DCC: variants seen among roughly 807,000 people sequenced by gnomAD.
DCC encodes the protein DCC netrin 1 receptor.
A neutral mutation model predicts 172.5 loss-of-function variants in DCC; 58 were observed. The ratio of observed to expected loss-of-function variants is 0.34; its 90% CI spans 0.27 to 0.42. The LOEUF is 0.42. Ranked by LOEUF, DCC falls within the 10% of genes least tolerant of loss-of-function variation. The pLI is 1.00. For synonymous variants in DCC, 709 were observed against 644.5 expected (o/e 1.10, Z -1.52); for missense variants, 1,740 against 1,791.0 (o/e 0.97, Z 0.51).
At chr18:53,274,851 A>T (rs2056788142) in intron 12 of DCC, among the ~76,000 whole-genome samples, 3 of 152,238 alleles carry the variant, frequency 2.0e-5, no homozygotes, top group African/African-American at 4.8e-5. Flanking sequence ...TCTTCAGATT[A>T]GTCAAACTGA....
At chr18:52,808,991 T>C (rs1480136086) in intron 2 of DCC, among the ~76,000 whole-genome samples, 1 of 152,192 alleles carries the variant, frequency 6.6e-6, no homozygotes, top group Admixed American at 6.5e-5. Context: ...GGTTTATGTC[T>C]ACAAAAGCGT....
At chr18:52,667,996 C>T (rs1387946380) in intron 1 of DCC, among the ~76,000 whole-genome samples, 1 of 152,006 alleles carries the variant, frequency 6.6e-6, no homozygotes, top group African/African-American at 2.4e-5. Context: ...GTCTTTTTAA[C>T]CCCTTACTTT....
chr18:53,394,009 A>T (rs117623976), intron 17 of DCC, among the ~76,000 whole-genome samples: 2,698 of 152,254 alleles, frequency 0.018, 42 homozygotes, highest in Non-Finnish European at 0.024. Context: ...TAAATTTTAC[A>T]AATAATGGTG....
At chr18:53,126,940 C>G (rs2043565911) in intron 7 of DCC, among the ~76,000 whole-genome samples, 1 of 152,048 alleles carries the variant, frequency 6.6e-6, no homozygotes, top group East Asian at 1.9e-4. Flanking sequence ...CCAAATATGC[C>G]TGGGTTTATG....
chr18:52,565,552 A>G (rs983334099), intron 1 of DCC, among the ~76,000 whole-genome samples: 2 of 152,172 alleles, frequency 1.3e-5, no homozygotes, highest in African/African-American at 4.8e-5. Flanking sequence ...ATGAGATGGT[A>G]TCTCATTGTG....
chr18:53,268,943 G>A (rs1204842546), intron 12 of DCC, among the ~76,000 whole-genome samples: 3 of 152,158 alleles, frequency 2.0e-5, no homozygotes, highest in Admixed American at 6.5e-5. Context: ...ATAGAGTGTA[G>A]TCTCCAGGTC....
chr18:53,385,371 C>T (rs759487064), intron 15 of DCC, among the ~76,000 whole-genome samples: 5 of 152,182 alleles, frequency 3.3e-5, no homozygotes, highest in Non-Finnish European at 7.3e-5. Flanking sequence ...TCCGGGCCTA[C>T]GAAAGCTTGC....
At chr18:52,477,097 C>T (rs182926033) in intron 1 of DCC, among the ~76,000 whole-genome samples, 13 of 152,236 alleles carry the variant, frequency 8.5e-5, no homozygotes, top group African/African-American at 2.2e-4. Flanking sequence ...CTCTGCAGGA[C>T]GGATTCATTT....
At chr18:52,738,319 A>G (rs775085789) in intron 1 of DCC, among the ~76,000 whole-genome samples, 1 of 152,188 alleles carries the variant, frequency 6.6e-6, no homozygotes, top group African/African-American at 2.4e-5. Flanking sequence ...CAAACTTTAC[A>G]TGGTAGAGCT....
chr18:52,927,607 C>T (rs977053644), intron 5 of DCC, among the ~76,000 whole-genome samples: 58 of 151,964 alleles, frequency 3.8e-4, no homozygotes, highest in African/African-American at 1.3e-3. Context: ...TCTAGTGAAC[C>T]TTGACTAGTG....
At chr18:52,423,488 A>C (rs914796993) in intron 1 of DCC, among the ~76,000 whole-genome samples, 2 of 152,054 alleles carry the variant, frequency 1.3e-5, no homozygotes, top group Non-Finnish European at 2.9e-5. Flanking sequence ...CAGGCTTTCA[A>C]ACCTCCAGCA....
chr18:52,489,630 A>G (rs563056721), intron 1 of DCC, among the ~76,000 whole-genome samples: 2 of 152,176 alleles, frequency 1.3e-5, no homozygotes, highest in East Asian at 1.9e-4. Flanking sequence ...CTTTGTTGCT[A>G]TTTTATCCAC....
chr18:52,794,751 C>A (rs183604329), intron 2 of DCC, among the ~76,000 whole-genome samples: 68 of 151,946 alleles, frequency 4.5e-4, no homozygotes, highest in Non-Finnish European at 8.1e-4. Context: ...CCATTAAGTA[C>A]GATGTTAGCT....
At chr18:52,564,668 G>T (rs1598916608) in intron 1 of DCC, among the ~76,000 whole-genome samples, 1 of 41,554 alleles carries the variant, frequency 2.4e-5, no homozygotes, top group African/African-American at 8.7e-5. Flanking sequence ...TTATAATATT[G>T]GGGGGGGGGG....
At chr18:52,520,795 T>C (rs977672094) in intron 1 of DCC, among the ~76,000 whole-genome samples, 7 of 152,192 alleles carry the variant, frequency 4.6e-5, no homozygotes, top group African/African-American at 1.7e-4. Flanking sequence ...TCTTTCCATT[T>C]TATAACATTG....
At chr18:53,484,000 T>C (rs904275429) in intron 25 of DCC, among the ~76,000 whole-genome samples, 4 of 150,298 alleles carry the variant, frequency 2.7e-5, no homozygotes, top group African/African-American at 7.4e-5. Context: ...GATAGATAGA[T>C]AGATAGATAG....
chr18:53,357,302 T>A (rs1488104854), intron 15 of DCC, among the ~76,000 whole-genome samples: 2 of 152,196 alleles, frequency 1.3e-5, no homozygotes, highest in Non-Finnish European at 2.9e-5. Flanking sequence ...GAAATAGGTC[T>A]TTTATCCTGT....
chr18:53,238,197 T>C (rs913748820), intron 12 of DCC, among the ~76,000 whole-genome samples: 1 of 152,166 alleles, frequency 6.6e-6, no homozygotes, highest in Admixed American at 6.5e-5. Flanking sequence ...TTTTGGAGAA[T>C]TGCACTTGAT....
At chr18:52,920,614 G>A (rs944000263) in intron 3 of DCC, among the ~76,000 whole-genome samples, 5 of 152,064 alleles carry the variant, frequency 3.3e-5, no homozygotes, top group Non-Finnish European at 5.9e-5. Flanking sequence ...CACTTCAGAG[G>A]ACAGTTTGGC....
Sources: gnomAD v4.1 joint callset for allele counts (sites outside exome capture counted in the v4.1 genomes callset) on GRCh38, gnomAD v4.1.1 for gene constraint, MANE v1.5 for transcripts, NCBI Gene and HGNC (gene_info 2026-07-23, HGNC 2026-07-21) for gene names.